The following C12orf42 variants were observed in gnomAD, a reference collection of about 807,000 sequenced individuals.
The protein encoded by C12orf42 is uncharacterized protein C12orf42.
C12orf42 carries 25 observed loss-of-function variants against 21.6 expected under a neutral mutation model. The observed-to-expected ratio is 1.16, with a 90% CI of 0.84 to 1.62. The LOEUF (loss-of-function observed/expected upper bound fraction) is 1.62, where lower values mean the gene tolerates loss of function less well. Among genes scored for constraint, C12orf42 ranks in the 40% most tolerant of loss-of-function variants. C12orf42 has a pLI of 0.00. For missense variants in C12orf42, 483 were observed against 459.3 expected (o/e 1.05, Z -0.47); for synonymous variants, 174 against 175.0 (o/e 0.99, Z 0.05).
At chr12:103,492,062 T>C (rs1053850912) in intron 1 of C12orf42, among the ~76,000 whole-genome samples, 19 of 152,174 alleles carry the variant, frequency 1.2e-4, no homozygotes, top group African/African-American at 4.6e-4. Context: ...GTTCAAGTGA[T>C]TCTCACGCTT....
chr12:103,258,612 A>G (rs1265812448), intron 10 of C12orf42, among the ~76,000 whole-genome samples: 1 of 151,982 alleles, frequency 6.6e-6, no homozygotes, highest in Non-Finnish European at 1.5e-5. Context: ...GACTATACAA[A>G]CCATTAGAAC....
intron 4 of C12orf42, among the ~76,000 whole-genome samples, chr12:103,335,506 C>G (rs920489168): frequency 2.0e-5 from 3 of 152,098 alleles, no homozygotes; most frequent in Non-Finnish European, 4.4e-5. Flanking sequence ...ATAAAAATAC[C>G]TAAGTTTGCA....
chr12:103,499,382 A>G (rs2138279673), upstream of C12orf42, among the ~76,000 whole-genome samples: 1 of 152,348 alleles, frequency 6.6e-6, no homozygotes, highest in East Asian at 1.9e-4. Context: ...GAAAGTTTTT[A>G]TTTGTCAATT....
At chr12:103,142,715 T>C in the C12orf42 span, among the ~76,000 whole-genome samples, 1 of 152,188 alleles carries the variant, frequency 6.6e-6, no homozygotes, top group Non-Finnish European at 1.5e-5. Flanking sequence ...AAAGGAAATC[T>C]AAAACCTCCA....
the C12orf42 span, among the ~76,000 whole-genome samples, chr12:103,074,434 C>G: frequency 1.3e-5 from 2 of 151,974 alleles, no homozygotes; most frequent in African/African-American, 2.4e-5. Context: ...CTGGGGAATA[C>G]CTCATCAAGG....
intron 4 of C12orf42, among the ~76,000 whole-genome samples, chr12:103,293,620 C>A (rs2036962145): frequency 1.3e-5 from 2 of 152,038 alleles, no homozygotes; most frequent in African/African-American, 4.8e-5. Flanking sequence ...TTTTTCAAAA[C>A]CCTCCAGGCT....
At chr12:103,195,084 T>A in the C12orf42 span, among the ~76,000 whole-genome samples, 1 of 152,202 alleles carries the variant, frequency 6.6e-6, no homozygotes, top group Non-Finnish European at 1.5e-5. Context: ...TTGGTTAGGA[T>A]AATGACCTCC....
chr12:103,294,860 T>C (rs542520421), intron 4 of C12orf42, among the ~76,000 whole-genome samples: 2 of 152,264 alleles, frequency 1.3e-5, no homozygotes, highest in South Asian at 4.1e-4. Flanking sequence ...ATAACCCAGG[T>C]ATTAGGCATA....
At chr12:103,151,468 G>C in the C12orf42 span, among the ~76,000 whole-genome samples, 2 of 151,974 alleles carry the variant, frequency 1.3e-5, no homozygotes, top group South Asian at 4.1e-4. Context: ...TATACAAATA[G>C]GTATAAAATT....
the C12orf42 span, among the ~76,000 whole-genome samples, chr12:103,120,478 A>C: frequency 6.6e-6 from 1 of 152,160 alleles, no homozygotes; most frequent in East Asian, 1.9e-4. Flanking sequence ...AGCATGCTAG[A>C]GGTAAGAATG....
the C12orf42 span, among the ~76,000 whole-genome samples, chr12:103,532,928 G>A: frequency 2.6e-5 from 4 of 152,206 alleles, no homozygotes; most frequent in African/African-American, 7.2e-5. Context: ...GCAAGGTGAA[G>A]CGCGGATCAC....
At chr12:103,473,369 T>C (rs1170710398) in intron 2 of C12orf42, among the ~76,000 whole-genome samples, 3 of 152,194 alleles carry the variant, frequency 2.0e-5, no homozygotes. Context: ...GGACAGGTAT[T>C]GCAGAGCCAT....
the C12orf42 span, among the ~76,000 whole-genome samples, chr12:103,167,151 A>C: frequency 8.5e-5 from 13 of 152,184 alleles, no homozygotes; most frequent in Non-Finnish European, 1.9e-4. Flanking sequence ...TGTTCTTCAC[A>C]TCTAGATCCT....
chr12:103,554,313 G>T, the C12orf42 span, among the ~76,000 whole-genome samples: 1 of 152,158 alleles, frequency 6.6e-6, no homozygotes, highest in South Asian at 2.1e-4. Flanking sequence ...AAAACCAGGT[G>T]GTGGGGAGAA....
chr12:103,237,534 T>G (rs375255675), downstream of C12orf42: 2 of 152,222 alleles, frequency 1.3e-5, no homozygotes, highest in South Asian at 4.1e-4. Context: ...GTTTATCACA[T>G]AGCAGGTGTA....
chr12:103,234,637 A>G (rs1366859916), downstream of C12orf42, among the ~76,000 whole-genome samples: 1 of 152,082 alleles, frequency 6.6e-6, no homozygotes, highest in African/African-American at 2.4e-5. Flanking sequence ...TCACTAATAC[A>G]TTGGACCACT....
chr12:103,531,243 T>G, the C12orf42 span, among the ~76,000 whole-genome samples: 1 of 152,242 alleles, frequency 6.6e-6, no homozygotes. Flanking sequence ...GCCAGCTAAC[T>G]TTTAGGCTGG....
chr12:103,051,635 G>A, the C12orf42 span, among the ~76,000 whole-genome samples: 2 of 152,150 alleles, frequency 1.3e-5, no homozygotes, highest in Non-Finnish European at 2.9e-5. Flanking sequence ...ATGTGAATAG[G>A]CCAGCTTCCT....
intron 1 of C12orf42, among the ~76,000 whole-genome samples, chr12:103,489,867 T>G (rs1955079548): frequency 1.3e-5 from 2 of 152,202 alleles, no homozygotes; most frequent in Admixed American, 1.3e-4. Context: ...CGGCTTCCCT[T>G]GGCTAGGAAA....
Sources: allele counts gnomAD v4.1 joint callset (sites outside exome capture counted in the v4.1 genomes callset), GRCh38; gene constraint gnomAD v4.1.1; transcripts MANE v1.5; gene names NCBI Gene and HGNC (gene_info 2026-07-23, HGNC 2026-07-21).